Variants in TMTC2 observed in about 807,000 individuals in gnomAD.
The protein encoded by TMTC2 is protein O-mannosyl-transferase TMTC2.
A neutral mutation model predicts 82.4 loss-of-function variants in TMTC2; 43 were observed. The observed-to-expected ratio is 0.52, with a 90% CI of 0.41 to 0.67. TMTC2 has a LOEUF of 0.67. Among genes scored for constraint, TMTC2 ranks in the 30% least tolerant of loss-of-function variants. TMTC2 has a pLI of 0.00. For synonymous variants in TMTC2, 408 were observed against 381.9 expected, an observed-to-expected ratio of 1.07 and a Z score of -0.80; for missense variants, 919 against 1,012.4, an observed-to-expected ratio of 0.91 and a Z score of 1.25.
chr12:83,120,519 C>T (rs149606395), intron 11 of TMTC2, among the ~76,000 whole-genome samples: 1 of 152,312 alleles, frequency 6.6e-6, no homozygotes, highest in East Asian at 1.9e-4. Context: ...GCTGGGAAAT[C>T]TGCTGTTACT....
intron 11 of TMTC2, among the ~76,000 whole-genome samples, chr12:83,086,456 G>T (rs906779982): frequency 6.6e-6 from 1 of 152,112 alleles, no homozygotes; most frequent in African/African-American, 2.4e-5. Context: ...TTCTTGATGG[G>T]CGTTGGTTCT....
intron 1 of TMTC2, among the ~76,000 whole-genome samples, chr12:82,708,414 G>C (rs542871266): frequency 2.0e-4 from 30 of 152,294 alleles, no homozygotes; most frequent in African/African-American, 6.5e-4. Flanking sequence ...ACTACAGTGA[G>C]CACTATCTGT....
At chr12:82,979,504 T>C (rs1878827607) in intron 7 of TMTC2, among the ~76,000 whole-genome samples, 1 of 151,774 alleles carries the variant, frequency 6.6e-6, no homozygotes, top group South Asian at 2.1e-4. Context: ...TTTTTAACTT[T>C]TAATTCTTTC....
intron 4 of TMTC2, among the ~76,000 whole-genome samples, chr12:82,938,367 AG>A (rs1420548431): frequency 1.3e-5 from 2 of 152,182 alleles, no homozygotes; most frequent in African/African-American, 4.8e-5. Context: ...TTGGCCTGTG[AG>A]AAGTGAGGAC....
rs1308568905 is a variant in TMTC2, at chr12:82,687,648, C to A, written c.62C>A (p.Ala21Glu). The change falls in exon 1 of 12, where the codon GCG (alanine) becomes GAG (glutamate). Residue 21 changes from alanine (A) to glutamate (E), a missense_variant. Coordinates refer to ENST00000321196, the MANE Select transcript of TMTC2 (RefSeq NM_152588.3). ...GCCTTGTATCTCAACACCCTGAGTGCGGATTTCTGCTATGATGACAGGTAA... is the reference window on the plus strand; with the variant it reads ...GCCTTGTATCTCAACACCCTGAGTGAGGATTTCTGCTATGATGACAGGTAA... ...GLALYLNTLS[A>E]DFCYDDSRAI... 3 of 1,604,412 alleles carry A rather than the reference C, an allele frequency of 1.9e-6. No homozygotes were observed. Among genetic ancestry groups the A allele is most frequent in the Middle Eastern group, 1.6e-4 (1 of 6,074 alleles).
intron 11 of TMTC2, among the ~76,000 whole-genome samples, chr12:83,120,370 T>G (rs1884909696): frequency 1.3e-5 from 2 of 152,202 alleles, no homozygotes; most frequent in African/African-American, 4.8e-5. Flanking sequence ...CTCTCAGCAT[T>G]TGTTTGTCTG....
intron 11 of TMTC2, among the ~76,000 whole-genome samples, chr12:83,107,771 A>AT (rs1555213294): frequency 6.6e-6 from 1 of 151,968 alleles, no homozygotes; most frequent in African/African-American, 2.4e-5. Context: ...CATCCTTATG[A>AT]CCCCCCGTGC....
At chr12:82,752,728 C>T (rs1197321878) in intron 1 of TMTC2, among the ~76,000 whole-genome samples, 13 of 151,732 alleles carry the variant, frequency 8.6e-5, no homozygotes, top group South Asian at 2.1e-4. Flanking sequence ...GGATGCAGAA[C>T]TTTAAAGACA....
chr12:82,895,778 A>C lies in TMTC2; in HGVS notation c.655-40A>C, dbSNP rs768715207. 5 of 1,547,274 alleles carry C rather than the reference A, an allele frequency of 3.2e-6. No homozygotes were observed. The African/African-American group carries it at 6.9e-5, about 21-fold the overall frequency. On this transcript the variant is annotated intron_variant, in intron 2 of 11. Coordinates refer to ENST00000321196, the MANE Select transcript of TMTC2 (RefSeq NM_152588.3). ...TGTTAAGTGTTCCCATGCTGTACTGATAATAATCTTAATTTTTCCCTTCTC... is the reference window on the plus strand; with the variant it reads ...TGTTAAGTGTTCCCATGCTGTACTGCTAATAATCTTAATTTTTCCCTTCTC...
At chr12:82,892,662 C>T (rs1401712331) in intron 2 of TMTC2, among the ~76,000 whole-genome samples, 3 of 152,168 alleles carry the variant, frequency 2.0e-5, no homozygotes, top group African/African-American at 7.2e-5. Context: ...TCTCTTCTTG[C>T]CTGATTACAG....
At chr12:83,027,082 A>T (rs1881215294) in intron 8 of TMTC2, among the ~76,000 whole-genome samples, 1 of 152,062 alleles carries the variant, frequency 6.6e-6, no homozygotes. Flanking sequence ...TTAATACTCA[A>T]TACAGTCCGT....
In TMTC2 at chr12:82,985,937, T is replaced by C. The variant is rs372691040; in HGVS notation, c.1961T>C (p.Met654Thr). 1 of 1,613,610 alleles carries C rather than the reference T, an allele frequency of 6.2e-7. No individual in the cohort carries two copies. Among genetic ancestry groups the C allele is most frequent in the Non-Finnish European group, 8.5e-7 (1 of 1,179,718 alleles). ...ATTCTCTTTCCAGGTGAAGCATATA[T>C]GCGTTTAAGCAAACTCCCCGAAGCA... ...SLYNMMGEAYMRLSKLPEAEH... is the reference protein window; with the variant it reads ...SLYNMMGEAYTRLSKLPEAEH... The change falls in exon 8 of 12, where the codon ATG becomes ACG. Residue 654 changes from methionine (M) to threonine (T), a missense_variant. By Grantham distance (81) the Met-to-Thr change is moderately conservative. Coordinates refer to ENST00000321196, the MANE Select transcript of TMTC2 (RefSeq NM_152588.3).
chr12:83,062,177 C>CT (rs1266652566), intron 11 of TMTC2, among the ~76,000 whole-genome samples: 1 of 151,676 alleles, frequency 6.6e-6, no homozygotes, highest in African/African-American at 2.4e-5. Context: ...GGTTTTTTGG[C>CT]TGTGGCATTA....
chr12:82,941,538 T>C (rs1393958273), intron 4 of TMTC2, among the ~76,000 whole-genome samples: 1 of 152,226 alleles, frequency 6.6e-6, no homozygotes, highest in Non-Finnish European at 1.5e-5. Context: ...CCCCTTGTCC[T>C]GTCCTTGCAA....
intron 3 of TMTC2, among the ~76,000 whole-genome samples, chr12:82,908,811 T>C (rs954841826): frequency 6.6e-6 from 1 of 152,136 alleles, no homozygotes; most frequent in Non-Finnish European, 1.5e-5. Context: ...TCTTTTTTTT[T>C]CCTGTTGATT....
chr12:82,729,972 C>G (rs35517585), intron 1 of TMTC2, among the ~76,000 whole-genome samples: 1 of 152,154 alleles, frequency 6.6e-6, no homozygotes, highest in South Asian at 2.1e-4. Context: ...TCGGGAAGGT[C>G]TGCAGCTTCA....
intron 3 of TMTC2, among the ~76,000 whole-genome samples, chr12:82,904,337 A>C (rs1874179205): frequency 6.6e-6 from 1 of 152,186 alleles, no homozygotes. Flanking sequence ...AGCCTCATGA[A>C]ACAGTATGCA....
chr12:82,847,880 G>T (rs187263669), intron 1 of TMTC2, among the ~76,000 whole-genome samples: 150 of 152,112 alleles, frequency 9.9e-4, no homozygotes, highest in African/African-American at 3.5e-3. Context: ...AACCAACATG[G>T]CACATGTATA....
At chr12:82,893,328 G>T (rs1366119312) in intron 2 of TMTC2, among the ~76,000 whole-genome samples, 1 of 148,588 alleles carries the variant, frequency 6.7e-6, no homozygotes, top group Non-Finnish European at 1.5e-5. Context: ...CTGAGATCAT[G>T]CCACTGCACT....
Sources: gnomAD v4.1 joint callset for allele counts (sites outside exome capture counted in the v4.1 genomes callset) on GRCh38, gnomAD v4.1.1 for gene constraint, MANE v1.5 for transcripts, NCBI Gene and HGNC (gene_info 2026-07-23, HGNC 2026-07-21) for gene names.